MCPH1: variants seen among roughly 807,000 people sequenced by gnomAD.
The protein encoded by MCPH1 is microcephalin.
In MCPH1, 104 loss-of-function variants were observed where a neutral mutation model predicts 84.5. The ratio of observed to expected loss-of-function variants is 1.23; its 90% CI spans 1.05 to 1.45. The LOEUF is 1.45. MCPH1 is among the 40% of genes most tolerant of loss of function. The pLI is 0.00. For missense variants in MCPH1, 1,498 were observed against 1,005.7 expected (o/e 1.49, Z -6.62); for synonymous variants, 514 against 366.8 (o/e 1.40, Z -4.58).
chr8:6,420,505 G>A (rs1035506106), intron 3 of MCPH1, among the ~76,000 whole-genome samples: 1 of 152,074 alleles, frequency 6.6e-6, no homozygotes, highest in Non-Finnish European at 1.5e-5. Flanking sequence ...TTTTATTTAA[G>A]TTTCTTTTTT....
At chr8:6,447,264 A>C (rs1563224331) in intron 8 of MCPH1, 1 of 985,300 alleles carries the variant, frequency 1.0e-6, no homozygotes, top group Non-Finnish European at 1.2e-6. Context: ...TCTATCTTAG[A>C]AGATGAAACC....
chr8:6,554,604 T>C (rs1824265064), intron 12 of MCPH1, among the ~76,000 whole-genome samples: 1 of 152,198 alleles, frequency 6.6e-6, no homozygotes, highest in Non-Finnish European at 1.5e-5. Context: ...AATAGTAAAA[T>C]ATTAAATATC....
intron 9 of MCPH1, among the ~76,000 whole-genome samples, chr8:6,462,235 A>G (rs535560739): frequency 6.6e-6 from 1 of 152,356 alleles, no homozygotes; most frequent in African/African-American, 2.4e-5. Context: ...ATAGGGTGCA[A>G]AACAAATAAT....
intron 8 of MCPH1, chr8:6,447,492 T>C (rs1021466601): frequency 2.2e-5 from 18 of 814,800 alleles, no homozygotes; most frequent in Non-Finnish European, 2.7e-5. Context: ...TACAAAGAGC[T>C]TCAATACGCT....
At chr8:6,452,509 C>T (rs994061312) in intron 8 of MCPH1, among the ~76,000 whole-genome samples, 2 of 152,212 alleles carry the variant, frequency 1.3e-5, no homozygotes, top group African/African-American at 4.8e-5. Flanking sequence ...ATGGCTTTCA[C>T]AGGGAAATGC....
chr8:6,512,646 A>C (rs1176327825), intron 12 of MCPH1, among the ~76,000 whole-genome samples: 1 of 152,058 alleles, frequency 6.6e-6, no homozygotes, highest in Non-Finnish European at 1.5e-5. Context: ...CTTGTGTACC[A>C]GCATTACTGT....
intron 12 of MCPH1, among the ~76,000 whole-genome samples, chr8:6,607,461 C>G (rs768210010): frequency 1.3e-5 from 2 of 152,200 alleles, no homozygotes; most frequent in East Asian, 1.9e-4. Context: ...GCCTGTTTTC[C>G]TCTTGTTACT....
intron 12 of MCPH1, among the ~76,000 whole-genome samples, chr8:6,525,136 C>A (rs1439814604): frequency 2.6e-5 from 4 of 152,206 alleles, no homozygotes; most frequent in Non-Finnish European, 5.9e-5. Context: ...CAATATTAAC[C>A]AGCCAAGGAA....
chr8:6,629,137 G>A (rs949077748), intron 13 of MCPH1, among the ~76,000 whole-genome samples: 1 of 152,216 alleles, frequency 6.6e-6, no homozygotes, highest in Admixed American at 6.5e-5. Context: ...ATAAGGGCAA[G>A]GCCCTAATCC....
At chr8:6,535,052 A>G (rs774737204) in intron 12 of MCPH1, among the ~76,000 whole-genome samples, 2 of 152,142 alleles carry the variant, frequency 1.3e-5, no homozygotes, top group Non-Finnish European at 2.9e-5. Context: ...ATAGAGATAG[A>G]CTCCAGCTGG....
intron 2 of MCPH1, 83 bp downstream of exon 2, chr8:6,409,453 G>A (rs1798230738): frequency 3.4e-6 from 4 of 1,175,818 alleles, no homozygotes. Flanking sequence ...TATTTTGGGA[G>A]TTTTTACTTA....
At chr8:6,580,194 C>T (rs775804348) in intron 12 of MCPH1, among the ~76,000 whole-genome samples, 8 of 152,192 alleles carry the variant, frequency 5.3e-5, no homozygotes, top group Non-Finnish European at 8.8e-5. Flanking sequence ...GAGCATATGA[C>T]GGCCTCAGAC....
intron 12 of MCPH1, among the ~76,000 whole-genome samples, chr8:6,586,498 G>T (rs539863204): frequency 5.3e-5 from 8 of 152,292 alleles, no homozygotes; most frequent in Admixed American, 1.3e-4. Flanking sequence ...TCCATGCAGT[G>T]CGTGTCTTTA....
Position 6,477,292 on chromosome 8 carries a change from G to A in MCPH1, c.1936-302G>A, listed in dbSNP as rs187450958. On this transcript the variant is annotated intron_variant, in intron 9 of 13. Transcript: ENST00000344683. ...TTCTCACTTTGAAGTGCATGAAGAC[G>A]TTGACACACTTGGAGGTCTGCTGGC... The A allele has an allele frequency of 7.3e-4, 264 of 361,062 alleles. 1 individual carries two copies. Among genetic ancestry groups the A allele is most frequent in the African/African-American group, 3.1e-3 (147 of 47,344 alleles). The allele number at this position is 361,062 out of a possible 1,614,324, so 22.4% of individuals were successfully genotyped here.
intron 12 of MCPH1, among the ~76,000 whole-genome samples, chr8:6,536,411 C>A (rs1271782059): frequency 1.3e-5 from 2 of 151,848 alleles, no homozygotes; most frequent in African/African-American, 2.4e-5. Context: ...TTTTAAGAGC[C>A]AAAGTGATAT....
intron 9 of MCPH1, among the ~76,000 whole-genome samples, chr8:6,458,572 C>T (rs1044222086): frequency 1.3e-5 from 2 of 151,440 alleles, no homozygotes; most frequent in Non-Finnish European, 2.9e-5. Flanking sequence ...AGATGAAGGA[C>T]GTGTTTTATT....
In MCPH1 at chr8:6,505,265, T is replaced by TATATGTATACATATATATGTTATATAC. The variant is rs1554514600; in HGVS notation, c.2214+5340_2214+5341insGTATACATATATATGTTATATACATAT. Among the ~76,000 whole-genome samples the TATATGTATACATATATATGTTATATAC allele has an allele frequency of 4.3e-5, 5 of 115,948 alleles. 1 individual carries two copies. Among genetic ancestry groups the TATATGTATACATATATATGTTATATAC allele is most frequent in the African/African-American group, 1.9e-4 (5 of 25,918 alleles). The allele number at this position is 115,948 out of a possible 152,430, so 76.1% of individuals were successfully genotyped here. On this transcript the variant is annotated intron_variant, in intron 12 of 13. Coordinates refer to ENST00000344683, the MANE Select transcript of MCPH1 (RefSeq NM_024596.5). ...ATATATATTCTTTATATATGTTTTA[T>TATATGTATACATATATATGTTATATAC]ATATATGTATACATATATATGTTAT...
chr8:6,457,578 C>G (rs1805834124), intron 9 of MCPH1, among the ~76,000 whole-genome samples: 1 of 152,110 alleles, frequency 6.6e-6, no homozygotes, highest in East Asian at 1.9e-4. Context: ...GCACTCCAGC[C>G]TGGGCGACAG....
intron 13 of MCPH1, chr8:6,625,943 TTTA>T (rs536309722): frequency 1.0e-6 from 1 of 985,016 alleles, no homozygotes; most frequent in Non-Finnish European, 1.2e-6. Context: ...TTTTCCTTTC[TTTA>T]TTATTATTAG....
Sources: gnomAD v4.1 joint callset for allele counts (sites outside exome capture counted in the v4.1 genomes callset) on GRCh38, gnomAD v4.1.1 for gene constraint, MANE v1.5 for transcripts, NCBI Gene and HGNC (gene_info 2026-07-23, HGNC 2026-07-21) for gene names.